Variants in SKA2 observed in about 807,000 individuals in gnomAD.
The protein encoded by SKA2 is spindle and kinetochore-associated protein 2.
A neutral mutation model predicts 16.9 loss-of-function variants in SKA2; 13 were observed. The ratio of observed to expected loss-of-function variants is 0.77; its 90% CI spans 0.50 to 1.22. SKA2 has a LOEUF of 1.22. Ranked by LOEUF, SKA2 falls within the 50% of genes most tolerant of loss-of-function variation. The pLI is 0.00. For missense variants in SKA2, 107 were observed against 139.7 expected, an observed-to-expected ratio of 0.77 and a Z score of 1.18; for synonymous variants, 47 against 48.5, an observed-to-expected ratio of 0.97 and a Z score of 0.13.
At position 59,144,868 on chromosome 17, in the gene SKA2, G is replaced by A. The variant is rs111763013; in HGVS notation, c.33+10263C>T. Among the ~76,000 whole-genome samples the A allele has an allele frequency of 1.1e-3, 161 of 152,098 alleles. 1 individual carries two copies. Among genetic ancestry groups the A allele is most frequent in the Non-Finnish European group, 1.8e-3 (121 of 67,944 alleles). On this transcript the variant is annotated intron_variant, in intron 1 of 3. Coordinates refer to ENST00000330137, the MANE Select transcript of SKA2 (RefSeq NM_182620.4). ...CGCCCAGGTTCCCAGGTTAGAGGGCGACGCTGCATCCTCCACCTCCCGGGT... is the reference window on the plus strand; with the variant it reads ...CGCCCAGGTTCCCAGGTTAGAGGGCAACGCTGCATCCTCCACCTCCCGGGT...
chr17:59,154,978 C>A (rs762119090), intron 1 of SKA2, 153 bp downstream of exon 1: 2 of 1,613,892 alleles, frequency 1.2e-6, no homozygotes, highest in Non-Finnish European at 8.5e-7. Context: ...AGACACCAGA[C>A]GGTGGCGGCT....
chr17:59,111,251 T>G lies in SKA2; in HGVS notation c.*1026A>C, dbSNP rs1309508617. 6.6e-6 allele frequency: 1 copy of G among 152,210 alleles called. No homozygotes were observed. Among genetic ancestry groups the G allele is most frequent in the Non-Finnish European group, 1.5e-5 (1 of 68,046 alleles). 9.4% of individuals were successfully genotyped at this position (152,210 alleles called of 1,614,324 possible). A position where few individuals can be genotyped will look rare whatever the true frequency, so the allele number is the denominator to read the frequency against. On this transcript the variant is annotated 3_prime_UTR_variant, in exon 4 of 4. Coordinates refer to ENST00000330137, the MANE Select transcript of SKA2 (RefSeq NM_182620.4). Reference sequence around the variant, plus strand: ...TCCCTCTCCCCCACTTAGCATAGTTTCAGCATTTCCCAGAACATTAACAGT... The same window carrying G: ...TCCCTCTCCCCCACTTAGCATAGTTGCAGCATTTCCCAGAACATTAACAGT...
At position 59,128,801 on chromosome 17, in the gene SKA2, G is replaced by A. The variant is rs781137793; in HGVS notation, c.120+2480C>T. Among the ~76,000 whole-genome samples, 18 of 152,238 alleles carry A rather than the reference G, an allele frequency of 1.2e-4. No individual in the cohort carries two copies. In the Middle Eastern group the frequency reaches 0.01, roughly 86 times the overall value. ...AGGGTGGTAGGGAGTAGCTACTCAT[G>A]GGTATGGGGTTTCTTTCTGAGGTGA... On this transcript the variant is annotated intron_variant, in intron 2 of 3. Coordinates refer to ENST00000330137, the MANE Select transcript of SKA2 (RefSeq NM_182620.4).
intron 1 of SKA2, chr17:59,151,171 G>A: frequency 3.9e-6 from 2 of 512,120 alleles, no homozygotes; most frequent in Non-Finnish European, 8.1e-6. Flanking sequence ...CTATTGCACT[G>A]CTAGCTGTAA....
chr17:59,155,067 C>G (rs773361645), intron 1 of SKA2, 64 bp downstream of exon 1: 1 of 1,613,990 alleles, frequency 6.2e-7, no homozygotes, highest in Non-Finnish European at 8.5e-7. Flanking sequence ...CAAATTGTGC[C>G]CCACCTCCGA....
At chr17:59,122,720 G>A (rs2046343460) in intron 2 of SKA2, among the ~76,000 whole-genome samples, 1 of 152,162 alleles carries the variant, frequency 6.6e-6, no homozygotes, top group South Asian at 2.1e-4. Context: ...GGCCTGGGAG[G>A]CAGATACTGC....
chr17:59,144,514 T>A (rs2046517125), intron 1 of SKA2, among the ~76,000 whole-genome samples: 1 of 152,072 alleles, frequency 6.6e-6, no homozygotes, highest in African/African-American at 2.4e-5. Flanking sequence ...GCAACACGAG[T>A]GTCCATGGAG....
intron 2 of SKA2, among the ~76,000 whole-genome samples, chr17:59,125,321 T>C (rs1268806120): frequency 6.6e-6 from 1 of 151,834 alleles, no homozygotes; most frequent in Non-Finnish European, 1.5e-5. Context: ...TATTAGTGTT[T>C]GTAAACTGTG....
rs146303654 is a variant in SKA2 at position 59,139,232 on chromosome 17, C to T, written c.34-7865G>A. Among the ~76,000 whole-genome samples, 1,021 of 151,864 alleles carry T rather than the reference C, an allele frequency of 6.7e-3. 6 individuals are homozygous for T. The highest frequency in any genetic ancestry group is 0.023 in the African/African-American group (956 of 41,452). ...CTAACACGGTGAAACCCCGTCTCTA[C>T]TAAAAATTCAAAAAATTAGCTGGGC... On this transcript the variant is annotated intron_variant, in intron 1 of 3. Coordinates refer to ENST00000330137, the MANE Select transcript of SKA2 (RefSeq NM_182620.4).
At chr17:59,120,856 T>A (rs1283129613) in intron 2 of SKA2, among the ~76,000 whole-genome samples, 1 of 151,940 alleles carries the variant, frequency 6.6e-6, no homozygotes, top group African/African-American at 2.4e-5. Context: ...AAACCACTCA[T>A]CAAACAAAGG....
intron 3 of SKA2, among the ~76,000 whole-genome samples, chr17:59,119,016 T>A (rs1236515228): frequency 1.3e-5 from 2 of 152,148 alleles, no homozygotes; most frequent in Non-Finnish European, 2.9e-5. Flanking sequence ...TTTCTAGACA[T>A]CTCAGTCTCA....
intron 2 of SKA2, chr17:59,129,488 A>G (rs538315203): frequency 3.3e-5 from 5 of 152,184 alleles, no homozygotes; most frequent in South Asian, 2.1e-4. Context: ...CAAAAGAAAG[A>G]AAGGAAGGAA....
At chr17:59,154,567 G>A (rs2046606512) in intron 1 of SKA2, among the ~76,000 whole-genome samples, 1 of 152,204 alleles carries the variant, frequency 6.6e-6, no homozygotes, top group Non-Finnish European at 1.5e-5. Flanking sequence ...CCCACGGTTT[G>A]CCACCTCCGG....
intron 1 of SKA2, among the ~76,000 whole-genome samples, chr17:59,145,915 G>A (rs761207921): frequency 6.6e-6 from 1 of 151,382 alleles, no homozygotes; most frequent in African/African-American, 2.4e-5. Context: ...ACTTGGGCCC[G>A]AGAGGTCAAG....
chr17:59,119,585 C>T (rs1398255090), intron 2 of SKA2, 90 bp from the exon 3 acceptor site: 29 of 1,177,938 alleles, frequency 2.5e-5, no homozygotes, highest in Non-Finnish European at 3.2e-5. Flanking sequence ...ACACATTCTA[C>T]CATCCATTTA....
At chr17:59,154,872 C>G in intron 1 of SKA2, 1 of 1,460,284 alleles carries the variant, frequency 6.8e-7, no homozygotes, top group East Asian at 2.3e-5. Context: ...AAGGTGAGGG[C>G]AAGGAACAAG....
At chr17:59,114,808 T>TCCTATTAATA (rs2046285699) in intron 3 of SKA2, among the ~76,000 whole-genome samples, 1 of 152,178 alleles carries the variant, frequency 6.6e-6, no homozygotes, top group African/African-American at 2.4e-5. Flanking sequence ...AGGTACAACC[T>TCCTATTAATA]GAAGAATCAA....
intron 1 of SKA2, among the ~76,000 whole-genome samples, chr17:59,138,649 C>G (rs915480587): frequency 2.0e-5 from 3 of 151,906 alleles, no homozygotes; most frequent in Non-Finnish European, 4.4e-5. Context: ...CCAGACTAGT[C>G]TTGACCTCCC....
chr17:59,135,217 A>G (rs995608955), intron 1 of SKA2, among the ~76,000 whole-genome samples: 2 of 152,158 alleles, frequency 1.3e-5, no homozygotes, highest in Non-Finnish European at 2.9e-5. Context: ...GGTACCAAAA[A>G]GAGGCGGTTT....
Sources: gnomAD v4.1 joint callset for allele counts (sites outside exome capture counted in the v4.1 genomes callset) on GRCh38, gnomAD v4.1.1 for gene constraint, MANE v1.5 for transcripts, NCBI Gene and HGNC (gene_info 2026-07-23, HGNC 2026-07-21) for gene names.